Variants in MYT1L observed in about 807,000 individuals in gnomAD.
The protein encoded by MYT1L is myelin transcription factor 1-like protein.
A neutral mutation model predicts 126.7 loss-of-function variants in MYT1L; 12 were observed. That is an observed-to-expected ratio of 0.09 (90% CI 0.06 to 0.15). The LOEUF (loss-of-function observed/expected upper bound fraction) is 0.15. MYT1L is among the 10% of genes least tolerant of loss of function. The pLI, the probability that MYT1L is intolerant of heterozygous loss-of-function variation, is 1.00. For synonymous variants in MYT1L, 541 were observed against 604.2 expected (o/e 0.90, Z 1.53); for missense variants, 979 against 1,585.2 (o/e 0.62, Z 6.49).
intron 4 of MYT1L, among the ~76,000 whole-genome samples, chr2:2,005,467 T>TGTTCTTTCCTGAATGC (rs1558708847): frequency 8.3e-5 from 9 of 107,916 alleles, no homozygotes; most frequent in African/African-American, 3.3e-4. Flanking sequence ...TTCCTGCATG[T>TGTTCTTTCCTGAATGC]GTTCTTTCCT....
chr2:1,863,764 T>G (rs1010960189), intron 18 of MYT1L, among the ~76,000 whole-genome samples: 2 of 145,970 alleles, frequency 1.4e-5, no homozygotes, highest in African/African-American at 2.5e-5. Context: ...TGGGGATATT[T>G]GGGGGGATAG....
Position 1,910,488 on chromosome 2 carries a change from G to T in MYT1L, c.1710-141C>A. On this transcript the variant is annotated intron_variant, in intron 12 of 24. Coordinates refer to ENST00000647738, the MANE Select transcript of MYT1L (RefSeq NM_001303052.2). The surrounding 1 kb of genome is among the most constrained non-coding windows in gnomAD (Gnocchi z 4.8). ...TCCCAAACCTGGCACAGGCAGTCCTGATGGGTGGACTGGGAGAGGGGGAGG... is the reference window on the plus strand; with the variant it reads ...TCCCAAACCTGGCACAGGCAGTCCTTATGGGTGGACTGGGAGAGGGGGAGG... The T allele has an allele frequency of 1.4e-6, 1 of 692,256 alleles. No homozygotes were observed. Among genetic ancestry groups the T allele is most frequent in the Non-Finnish European group, 2.5e-6 (1 of 396,478 alleles). The allele number at this position is 692,256 out of a possible 1,614,324, so 42.9% of individuals were successfully genotyped here. A position where few individuals can be genotyped will look rare whatever the true frequency, so the allele number is the denominator to read the frequency against.
chr2:1,879,118 C>T (rs993818810), intron 18 of MYT1L, among the ~76,000 whole-genome samples: 1 of 152,158 alleles, frequency 6.6e-6, no homozygotes, highest in Non-Finnish European at 1.5e-5. Flanking sequence ...GCTTCCCCGG[C>T]CCCTGTGCAC....
At chr2:2,047,489 TCTC>T (rs569648098) in intron 4 of MYT1L, among the ~76,000 whole-genome samples, 43 of 152,320 alleles carry the variant, frequency 2.8e-4, no homozygotes, top group Admixed American at 4.6e-4. Flanking sequence ...ACATGAGAAT[TCTC>T]CTTCACAAGT....
intron 2 of MYT1L, among the ~76,000 whole-genome samples, chr2:2,257,503 C>T (rs939731077): frequency 2.0e-5 from 3 of 152,092 alleles, no homozygotes; most frequent in African/African-American, 7.2e-5. Flanking sequence ...AACAGAAAAC[C>T]TTACCAGACA....
rs1284687828 is a variant in MYT1L at position 2,059,145 on chromosome 2, G to A, written c.-303-5022C>T. On this transcript the variant is annotated intron_variant, in intron 3 of 24. Transcript: ENST00000647738. This position sits in a 1 kb window ranked among gnomAD's most constrained non-coding sequence, Gnocchi z 4.7. ...AAAAGGTCTGCGTGTCACCCACACT[G>A]GCGGGAACTGAATGGCCGTTCCCAT... 2.0e-5 allele frequency among the ~76,000 whole-genome samples: 3 copies of A among 152,170 alleles called. No homozygotes were observed. Among genetic ancestry groups the A allele is most frequent in the Non-Finnish European group, 4.4e-5 (3 of 68,032 alleles).
At chr2:2,286,329 T>C (rs2095520489) in intron 1 of MYT1L, among the ~76,000 whole-genome samples, 1 of 152,184 alleles carries the variant, frequency 6.6e-6, no homozygotes, top group Admixed American at 6.5e-5. Flanking sequence ...GTGACATGCT[T>C]TGGCTCACAC....
chr2:2,118,703 T>A (rs1265500030), intron 3 of MYT1L, among the ~76,000 whole-genome samples: 1 of 152,138 alleles, frequency 6.6e-6, no homozygotes, highest in Non-Finnish European at 1.5e-5. Context: ...TTTGCTTGGA[T>A]TTTTTTTCAG....
intron 1 of MYT1L, among the ~76,000 whole-genome samples, chr2:2,300,017 G>A (rs775709209): frequency 1.6e-4 from 25 of 152,134 alleles, no homozygotes; most frequent in Non-Finnish European, 3.4e-4. Flanking sequence ...CCTCAAGTTC[G>A]CTTATTATTA....
Position 1,979,826 on chromosome 2 carries a change from C to G in MYT1L, c.1-49G>C. Reference sequence around the variant, plus strand: ...AATGTGCTTATCCTGCCTGTGCAGGCCAGCCCTGCAGGGGCGGCTCACTCT... The same window carrying G: ...AATGTGCTTATCCTGCCTGTGCAGGGCAGCCCTGCAGGGGCGGCTCACTCT... On this transcript the variant is annotated intron_variant, in intron 5 of 24. Coordinates refer to ENST00000647738, the MANE Select transcript of MYT1L (RefSeq NM_001303052.2). The surrounding 1 kb of genome is among the most constrained non-coding windows in gnomAD (Gnocchi z 4.0). The G allele has an allele frequency of 1.3e-6, 2 of 1,586,558 alleles. No individual in the cohort carries two copies. Among genetic ancestry groups the G allele is most frequent in the Non-Finnish European group, 1.7e-6 (2 of 1,155,996 alleles).
chr2:2,203,990 A>G (rs1470943125), intron 2 of MYT1L, among the ~76,000 whole-genome samples: 2 of 152,134 alleles, frequency 1.3e-5, no homozygotes, highest in Non-Finnish European at 2.9e-5. Flanking sequence ...TGACAAACCT[A>G]ACAAAAACAA....
intron 3 of MYT1L, among the ~76,000 whole-genome samples, chr2:2,143,285 G>A (rs549642487): frequency 4.4e-4 from 60 of 137,378 alleles, no homozygotes; most frequent in Middle Eastern, 3.9e-3. Flanking sequence ...GCGAGACTCC[G>A]TCTCAAAAAA....
At chr2:2,097,508 A>T (rs770261275) in intron 3 of MYT1L, among the ~76,000 whole-genome samples, 2 of 152,198 alleles carry the variant, frequency 1.3e-5, no homozygotes, top group Non-Finnish European at 2.9e-5. Context: ...GCCACACACA[A>T]GATTAGCAAA....
intron 3 of MYT1L, among the ~76,000 whole-genome samples, chr2:2,147,956 G>C (rs763750507): frequency 2.6e-5 from 4 of 152,202 alleles, no homozygotes; most frequent in Non-Finnish European, 4.4e-5. Context: ...AGACACCTCA[G>C]ACTTTAAACT....
intron 2 of MYT1L, among the ~76,000 whole-genome samples, chr2:2,223,068 G>T (rs1005115233): frequency 5.9e-5 from 9 of 152,070 alleles, no homozygotes; most frequent in Non-Finnish European, 1.5e-5. Context: ...AACTTCCTAG[G>T]CACTGCCTCC....
At chr2:1,847,458 A>G (rs1572826644) in intron 19 of MYT1L, among the ~76,000 whole-genome samples, 1 of 152,044 alleles carries the variant, frequency 6.6e-6, no homozygotes, top group Admixed American at 6.6e-5. Flanking sequence ...GCCTGATCCT[A>G]TGAAAAACGC....
At chr2:2,286,852 G>A (rs575549615) in intron 1 of MYT1L, among the ~76,000 whole-genome samples, 5 of 152,280 alleles carry the variant, frequency 3.3e-5, no homozygotes, top group South Asian at 2.1e-4. Flanking sequence ...AAGGGTGCGC[G>A]AAATCACGAA....
chr2:2,110,377 G>A (rs2079278807), intron 3 of MYT1L, among the ~76,000 whole-genome samples: 1 of 152,026 alleles, frequency 6.6e-6, no homozygotes, highest in African/African-American at 2.4e-5. Flanking sequence ...AGAATTGTCT[G>A]TAGCAGCCTG....
intron 18 of MYT1L, among the ~76,000 whole-genome samples, chr2:1,858,465 C>T (rs565066746): frequency 2.2e-3 from 338 of 152,228 alleles, no homozygotes; most frequent in African/African-American, 6.6e-3. Context: ...TTTAAAAATA[C>T]GCTATAACAA....
Sources: allele counts gnomAD v4.1 joint callset (sites outside exome capture counted in the v4.1 genomes callset), GRCh38; gene constraint gnomAD v4.1.1; non-coding constraint Gnocchi (gnomAD v3.1); transcripts MANE v1.5; gene names NCBI Gene and HGNC (gene_info 2026-07-23, HGNC 2026-07-21).